Variants in IL22RA1 observed in about 807,000 individuals in gnomAD.
IL22RA1 encodes the protein interleukin-22 receptor subunit alpha-1.
In IL22RA1, 25 loss-of-function variants were observed where a neutral mutation model predicts 32.8. The ratio of observed to expected loss-of-function variants is 0.76; its 90% confidence interval spans 0.55 to 1.06. The LOEUF is 1.06. Ranked by LOEUF, IL22RA1 falls within the 50% of genes least tolerant of loss-of-function variation. IL22RA1 has a pLI of 0.00. For synonymous variants in IL22RA1, 305 were observed against 305.0 expected (o/e 1.00, Z 0.00); for missense variants, 709 against 727.4 (o/e 0.97, Z 0.29).
rs763774627 is a variant in IL22RA1, at chr1:24,137,290, C to T, written c.196G>A (p.Val66Met). The part of the protein sequence containing the change: ...EYKTYGERDW[V>M]AKKGCQRITR... ...ATCCGCTGACAGCCCTTCTTTGCCA[C>T]CCAGTCCCTCTCTCCGTACCTGCAG... The change falls in exon 3 of 7, where the codon GTG (valine) becomes ATG (methionine). Residue 66 changes from valine to methionine, a missense_variant. By Grantham distance (21) the Val-to-Met change is conservative (BLOSUM62 1). Transcript: ENST00000270800. 1.2e-6 allele frequency: 2 copies of T among 1,614,098 alleles called. No homozygotes were observed. Among genetic ancestry groups the T allele is most frequent in the South Asian group, 1.1e-5 (1 of 91,078 alleles).
Position 24,120,830 on chromosome 1 carries a change from G to A in IL22RA1, c.1700C>T (p.Ala567Val), listed in dbSNP as rs1644114565. 1.9e-6 allele frequency: 3 copies of A among 1,612,562 alleles called. No homozygotes were observed. Among genetic ancestry groups the A allele is most frequent in the South Asian group, 2.2e-5 (2 of 90,814 alleles). ...TELDSLFRGLALTVQWES is the reference protein window; with the variant it reads ...TELDSLFRGLVLTVQWES ...TCAGGACTCCCACTGCACAGTCAGG[G>A]CCAGGCCTCTGAAAAGAGAATCCAG... is the stretch of plus-strand genomic sequence containing the variant. The change falls in exon 7 of 7, where the codon GCC becomes GTC. Residue 567 changes from alanine (A) to valine (V), a missense_variant. Physicochemically the swap from Ala to Val is moderately conservative, Grantham distance 64 (BLOSUM62 0). Coordinates refer to ENST00000270800, the MANE Select transcript of IL22RA1 (RefSeq NM_021258.4).
At position 24,123,437 on chromosome 1, in the gene IL22RA1, G is replaced by A. The variant is rs1644139760; in HGVS notation, c.671-14C>T. On this transcript the variant is annotated splice_polypyrimidine_tract_variant and intron_variant, in intron 5 of 6. Coordinates refer to ENST00000270800, the MANE Select transcript of IL22RA1 (RefSeq NM_021258.4). ...TCCATGTCCGGTCTGGGAAACCAAAGGGGCCAGAGAAGGAAGCGTGAGGCT... is the reference window on the plus strand; with the variant it reads ...TCCATGTCCGGTCTGGGAAACCAAAAGGGCCAGAGAAGGAAGCGTGAGGCT... 1 of 1,611,460 alleles carries A rather than the reference G, an allele frequency of 6.2e-7. No individual in the cohort carries two copies. The highest frequency in any genetic ancestry group is 2.2e-5 in the East Asian group (1 of 44,832).
chr1:24,124,680 C>T (rs181926344), intron 5 of IL22RA1, among the ~76,000 whole-genome samples: 25 of 152,218 alleles, frequency 1.6e-4, no homozygotes, highest in African/African-American at 5.8e-4. Context: ...TCGGCGATCA[C>T]TGTGAACTCC....
rs1373469396 is a variant in IL22RA1, at chr1:24,138,573, G to C, written c.176+9C>G. The C allele has an allele frequency of 1.3e-5, 21 of 1,614,012 alleles. No individual in the cohort carries two copies. The highest frequency in any genetic ancestry group is 1.8e-5 in the Non-Finnish European group (21 of 1,180,006). ...AGTCAAAGGAGGTGGGGTCAAGAGA[G>C]AAGCCTACGTCTTATACTCGATGCT... is the stretch of plus-strand genomic sequence containing the variant. On this transcript the variant is annotated intron_variant, in intron 2 of 6. Coordinates refer to ENST00000270800, the MANE Select transcript of IL22RA1 (RefSeq NM_021258.4).
intron 4 of IL22RA1, 33 bp downstream of exon 4, chr1:24,134,178 G>A (rs199941701): frequency 1.3e-6 from 2 of 1,569,418 alleles, no homozygotes; most frequent in African/African-American, 2.8e-5. Flanking sequence ...GGCTTCCTAG[G>A]CAGAGAAAGA....
At chr1:24,128,034 G>A (rs1644176894) in intron 5 of IL22RA1, 107 bp downstream of exon 5, 1 of 1,166,498 alleles carries the variant, frequency 8.6e-7, no homozygotes, top group East Asian at 2.9e-5. Context: ...ACCCTTCCAT[G>A]GTTTTCTAGA....
At position 24,120,129 on chromosome 1, in the gene IL22RA1, TCTCC is replaced by T. The variant is rs1029784765; in HGVS notation, c.*672_*675del. On this transcript the variant is annotated 3_prime_UTR_variant, in exon 7 of 7. Coordinates refer to ENST00000270800, the MANE Select transcript of IL22RA1 (RefSeq NM_021258.4). ...CCTGCCTGCAGAAAAGGCTTGTGTG[TCTCC>T]CTCCCTGGTGGACCTGCATTTCGCT... 3 of 152,256 alleles carry T rather than the reference TCTCC, an allele frequency of 2.0e-5. No homozygotes were observed. The highest frequency in any genetic ancestry group is 7.2e-5 in the African/African-American group (3 of 41,462). 9.4% of individuals were successfully genotyped at this position (152,256 alleles called of 1,614,324 possible).
intron 1 of IL22RA1, among the ~76,000 whole-genome samples, chr1:24,139,870 GT>G (rs1370279680): frequency 1.3e-5 from 2 of 152,152 alleles, no homozygotes; most frequent in Non-Finnish European, 2.9e-5. Context: ...TGAAGTTGGT[GT>G]CCTCACCCTT....
chr1:24,126,060 G>A (rs577289967), intron 5 of IL22RA1, among the ~76,000 whole-genome samples: 1 of 152,162 alleles, frequency 6.6e-6, no homozygotes, highest in African/African-American at 2.4e-5. Flanking sequence ...CAAAAAGCTG[G>A]TGGGCCAGGT....
intron 2 of IL22RA1, 23 bp downstream of exon 2, chr1:24,138,559 G>A (rs372917738): frequency 1.1e-5 from 17 of 1,613,862 alleles, no homozygotes; most frequent in Non-Finnish European, 1.4e-5. Flanking sequence ...GTCAAAGGAG[G>A]TGGGGTCAAG....
chr1:24,137,021 AG>A (rs1312666704), intron 3 of IL22RA1, 109 bp downstream of exon 3: 1 of 1,012,108 alleles, frequency 9.9e-7, no homozygotes, highest in African/African-American at 1.6e-5. Context: ...CCTTGCAGAG[AG>A]CCCCTTCTGG....
At position 24,121,093 on chromosome 1, in the gene IL22RA1, A is replaced by G. The variant is rs1202244559; in HGVS notation, c.1437T>C (p.Asn479=). 3 of 1,613,972 alleles carry G rather than the reference A, an allele frequency of 1.9e-6. No homozygotes were observed. The highest frequency in any genetic ancestry group is 1.1e-5 in the South Asian group (1 of 91,086). ...GICTDRTSDP[N]VLHSGEEGTP... Reference sequence around the variant, plus strand: ...TCCCTTCCTCCCCACTGTGTAGCACATTTGGGTCAGATGTTCTGTCTGTGC... The same window carrying G: ...TCCCTTCCTCCCCACTGTGTAGCACGTTTGGGTCAGATGTTCTGTCTGTGC... Residue 479 remains asparagine, a synonymous_variant, in exon 7 of 7, where the codon AAT becomes AAC. Transcript: ENST00000270800.
intron 4 of IL22RA1, among the ~76,000 whole-genome samples, chr1:24,128,581 T>C (rs899406639): frequency 3.9e-5 from 6 of 151,906 alleles, no homozygotes; most frequent in Non-Finnish European, 8.8e-5. Flanking sequence ...TAATGGCAGC[T>C]GTCATTATGA....
chr1:24,122,678 A>G (rs1412271138), intron 6 of IL22RA1, among the ~76,000 whole-genome samples: 3 of 151,932 alleles, frequency 2.0e-5, no homozygotes, highest in Non-Finnish European at 4.4e-5. Flanking sequence ...CATGCCTGTA[A>G]TCCCAGCTAC....
Position 24,121,442 on chromosome 1 carries a change from G to T in IL22RA1, c.1088C>A (p.Ser363Tyr). 1 of 1,547,796 alleles carries T rather than the reference G, an allele frequency of 6.5e-7. No homozygotes were observed. Among genetic ancestry groups the T allele is most frequent in the East Asian group, 2.3e-5 (1 of 44,172 alleles). The stretch of plus-strand genomic sequence containing the variant: ...TTCGGGGGTCACCTGAGGTGCATAG[G>T]ATGGGGGCCCGACCTCAGGGGCAGC... ...PNAAPEVGPP[S>Y]YAPQVTPEAQ... The change falls in exon 7 of 7, where the codon TCC becomes TAC. Residue 363 changes from serine to tyrosine, a missense_variant. By Grantham distance (144) the Ser-to-Tyr change is moderately radical (BLOSUM62 -2). Transcript: ENST00000270800.
At chr1:24,138,843 G>T in intron 1 of IL22RA1, 129 bp from the exon 2 acceptor site, 1 of 1,137,270 alleles carries the variant, frequency 8.8e-7, no homozygotes, top group Non-Finnish European at 1.2e-6. Flanking sequence ...ATGCCAGCCT[G>T]GTGGGTGGGC....
In IL22RA1 at chr1:24,143,071, C is replaced by T. The variant is rs773444020; in HGVS notation, c.12G>A (p.Leu4=). The T allele has an allele frequency of 2.5e-6, 4 of 1,613,272 alleles. No homozygotes were observed. The South Asian group carries it at 3.3e-5, about 13-fold the overall frequency. ...GGGATCCCACAGTCAAGATGGTCAGCAGCGTCCTCATCGGGGCTGGCACAG... is the reference window on the plus strand; with the variant it reads ...GGGATCCCACAGTCAAGATGGTCAGTAGCGTCCTCATCGGGGCTGGCACAG... The part of the protein sequence containing the change: MRT[L]LTILTVGSLA... Residue 4 remains leucine (L), a synonymous_variant, in exon 1 of 7, where the codon CTG becomes CTA. Transcript: ENST00000270800.
chr1:24,134,113 C>T (rs959043417), intron 4 of IL22RA1, 98 bp downstream of exon 4: 11 of 1,001,342 alleles, frequency 1.1e-5, no homozygotes, highest in African/African-American at 8.5e-5. Context: ...TGCTAATTTA[C>T]ATAACATGTC....
chr1:24,123,208 G>C (rs1228670092), intron 6 of IL22RA1, 94 bp downstream of exon 6: 10 of 1,497,890 alleles, frequency 6.7e-6, no homozygotes, highest in East Asian at 2.3e-5. Context: ...CTCCTGCTTT[G>C]TCTGTGGATC....
Sources: allele counts gnomAD v4.1 joint callset (sites outside exome capture counted in the v4.1 genomes callset), GRCh38; gene constraint gnomAD v4.1.1; transcripts MANE v1.5; gene names NCBI Gene and HGNC (gene_info 2026-07-23, HGNC 2026-07-21).